Variants in NCOR1 observed in about 807,000 individuals in gnomAD.
The protein encoded by NCOR1 is nuclear receptor corepressor 1, also known as protein phosphatase 1, regulatory subunit 109.
NCOR1 carries 63 observed loss-of-function variants against 288.1 expected under a neutral mutation model. The observed-to-expected ratio is 0.22, with a 90% CI of 0.18 to 0.27. The LOEUF is 0.27. Among genes scored for constraint, NCOR1 ranks in the 10% least tolerant of loss-of-function variants. NCOR1 has a pLI of 1.00. For missense variants in NCOR1, 2,397 were observed against 3,019.2 expected (o/e 0.79, Z 4.83); for synonymous variants, 1,007 against 1,065.9 (o/e 0.94, Z 1.08).
chr17:16,032,529 T>C, intron 45 of NCOR1, 46 bp from the exon 46 acceptor site: 2 of 1,507,898 alleles, frequency 1.3e-6, no homozygotes, highest in South Asian at 2.7e-5. Flanking sequence ...ACATAACTGG[T>C]ATTTCATCCA....
intron 3 of NCOR1, 140 bp downstream of exon 3, chr17:16,186,414 C>A (rs549862187): frequency 3.5e-6 from 3 of 863,946 alleles, no homozygotes; most frequent in Admixed American, 3.3e-5. Context: ...TGCAACCAAC[C>A]AACAAAAAAG....
intron 9 of NCOR1, among the ~76,000 whole-genome samples, chr17:16,148,044 C>T (rs780426304): frequency 9.2e-5 from 14 of 152,150 alleles, no homozygotes; most frequent in Non-Finnish European, 1.8e-4. Flanking sequence ...CTCAAACTCC[C>T]GACCTCAAGT....
At chr17:16,173,607 T>A (rs2083515147) in intron 3 of NCOR1, among the ~76,000 whole-genome samples, 1 of 151,930 alleles carries the variant, frequency 6.6e-6, no homozygotes, top group African/African-American at 2.4e-5. Flanking sequence ...TACACTAGCA[T>A]TAAACAATCC....
At chr17:16,151,045 A>T (rs982530588) in intron 8 of NCOR1, among the ~76,000 whole-genome samples, 10 of 150,946 alleles carry the variant, frequency 6.6e-5, no homozygotes, top group Admixed American at 4.6e-4. Context: ...GAAAAAAATA[A>T]ATATATATAT....
rs186746727 is a variant in NCOR1, at chr17:16,079,370, C to T, written c.3501+594G>A. On this transcript the variant is annotated intron_variant, in intron 26 of 45. Coordinates refer to ENST00000268712, the MANE Select transcript of NCOR1 (RefSeq NM_006311.4). Reference sequence around the variant, plus strand: ...ACAGGTTTCTGTTTACAATGATTTCCCAAAACAGAATTTTCCCTCTTATGC... The same window carrying T: ...ACAGGTTTCTGTTTACAATGATTTCTCAAAACAGAATTTTCCCTCTTATGC... Among the ~76,000 whole-genome samples the T allele has an allele frequency of 2.0e-5, 3 of 152,164 alleles. No individual in the cohort carries two copies. The East Asian group carries it at 5.8e-4, about 29-fold the overall frequency.
Position 16,032,432 on chromosome 17 carries a change from G to C in NCOR1, c.7187C>G (p.Thr2396Ser). ...AGCACATGCAATCGGTGTTGGTGGA[G>C]TACTGCTGAGCATCCGCATAGTCAG... ...NPLTMRMLSS[T>S]PPTPIACAPS... Residue 2396 changes from threonine to serine, a missense_variant, in exon 46 of 46, where the codon ACT (threonine) becomes AGT (serine). Thr to Ser is a moderately conservative substitution (Grantham distance 58). This residue lies in a region of NCOR1 where 1,872 missense variants were observed against 2,187.8 expected (regional missense o/e 0.86). Transcript: ENST00000268712. 1.2e-6 allele frequency: 2 copies of C among 1,613,514 alleles called. No homozygotes were observed. The highest frequency in any genetic ancestry group is 2.2e-5 in the South Asian group (2 of 90,920).
At chr17:16,184,398 CAGA>C (rs1189813766) in intron 3 of NCOR1, among the ~76,000 whole-genome samples, 1 of 152,122 alleles carries the variant, frequency 6.6e-6, no homozygotes, top group East Asian at 1.9e-4. Flanking sequence ...TTAAAATGGG[CAGA>C]AGATCTGAAT....
At chr17:16,176,028 C>A (rs764238753) in intron 3 of NCOR1, among the ~76,000 whole-genome samples, 2 of 151,680 alleles carry the variant, frequency 1.3e-5, no homozygotes, top group Non-Finnish European at 2.9e-5. Flanking sequence ...ACCAGCCTGG[C>A]CAACATGGAG....
chr17:16,071,471 T>C lies in NCOR1; in HGVS notation c.4090A>G (p.Ser1364Gly). 2 of 1,614,216 alleles carry C rather than the reference T, an allele frequency of 1.2e-6. No homozygotes were observed. The highest frequency in any genetic ancestry group is 1.1e-5 in the South Asian group (1 of 91,088). Residue 1364 changes from serine to glycine, a missense_variant, in exon 30 of 46, where the codon AGT becomes GGT. Around this residue, in one of 11 missense-constraint regions of NCOR1, gnomAD observed 1,872 missense variants for 2,187.8 expected, o/e 0.86. Coordinates refer to ENST00000268712, the MANE Select transcript of NCOR1 (RefSeq NM_006311.4). Reference sequence around the variant, plus strand: ...TGGACCACTTCTGGAGTTTTCCGACTTTCCTGAGTTAAAATATCTTGCCTT... The same window carrying C: ...TGGACCACTTCTGGAGTTTTCCGACCTTCCTGAGTTAAAATATCTTGCCTT... Reference protein sequence around the residue: ...IPRQDILTQESRKTPEVVQST... With the variant: ...IPRQDILTQEGRKTPEVVQST...
chr17:16,204,672 T>G (rs939394493), intron 1 of NCOR1, among the ~76,000 whole-genome samples: 2 of 152,202 alleles, frequency 1.3e-5, no homozygotes, highest in African/African-American at 4.8e-5. Context: ...AAGTCTTAAG[T>G]AGAGCACAAA....
intron 22 of NCOR1, among the ~76,000 whole-genome samples, chr17:16,091,040 T>G (rs1377775180): frequency 6.6e-6 from 1 of 152,330 alleles, no homozygotes; most frequent in South Asian, 2.1e-4. Context: ...GTCAGAAGAA[T>G]GTATTAAAAC....
intron 4 of NCOR1, 87 bp downstream of exon 4, chr17:16,171,714 CTG>C (rs1199911501): frequency 9.1e-6 from 11 of 1,212,760 alleles, no homozygotes; most frequent in Non-Finnish European, 1.1e-5. Flanking sequence ...ACTGGTGTAA[CTG>C]GACTTTCTTT....
rs534956523 is a variant in NCOR1 at position 16,127,254 on chromosome 17, T to TAC, written c.1510-1049_1510-1048insGT. The stretch of plus-strand genomic sequence containing the variant: ...ATGTATGCATATATGTATGTATATA[T>TAC]GTGTGTGTATATATGTATGTATATA... On this transcript the variant is annotated intron_variant, in intron 14 of 45. Transcript: ENST00000268712. Among the ~76,000 whole-genome samples, 226 of 117,072 alleles carry TAC rather than the reference T, an allele frequency of 1.9e-3. 48 individuals carry two copies. The highest frequency in any genetic ancestry group is 0.011 in the South Asian group (43 of 4,060). 76.8% of individuals were successfully genotyped at this position (117,072 alleles called of 152,430 possible).
intron 38 of NCOR1, chr17:16,058,266 G>A: frequency 1.1e-6 from 1 of 876,130 alleles, no homozygotes; most frequent in South Asian, 2.2e-5. Flanking sequence ...AAATGCAGAA[G>A]TAAGCAAACA....
chr17:16,100,115 T>G (rs1198915550), intron 20 of NCOR1, among the ~76,000 whole-genome samples: 1 of 152,168 alleles, frequency 6.6e-6, no homozygotes, highest in Non-Finnish European at 1.5e-5. Flanking sequence ...TGGGTTCGGA[T>G]TAAGTGATGT....
chr17:16,168,064 A>G (rs2082366526), intron 4 of NCOR1, among the ~76,000 whole-genome samples: 1 of 152,172 alleles, frequency 6.6e-6, no homozygotes, highest in Non-Finnish European at 1.5e-5. Context: ...AATAACCAAT[A>G]AACAAATAAA....
intron 15 of NCOR1, among the ~76,000 whole-genome samples, chr17:16,123,961 G>A (rs922043145): frequency 2.0e-5 from 3 of 152,172 alleles, no homozygotes; most frequent in Non-Finnish European, 4.4e-5. Context: ...ATAAAAGCTT[G>A]TTAAATAGTT....
Position 16,062,135 on chromosome 17 carries a change from G to A in NCOR1, c.5357C>T (p.Pro1786Leu), listed in dbSNP as rs978362863. Residue 1786 changes from proline (P) to leucine (L), a missense_variant, in exon 36 of 46, where the codon CCT becomes CTT. This residue lies in a region of NCOR1 where 1,872 missense variants were observed against 2,187.8 expected (regional missense o/e 0.86). Coordinates refer to ENST00000268712, the MANE Select transcript of NCOR1 (RefSeq NM_006311.4). ...QGTNGTSVIT[P>L]LDPTAQLRIM... Reference sequence around the variant, plus strand: ...TCGTAGCTGAGCAGTTGGATCCAAAGGTGTGATTACACTGGTTCCATTGGT... The same window carrying A: ...TCGTAGCTGAGCAGTTGGATCCAAAAGTGTGATTACACTGGTTCCATTGGT... 6.2e-7 allele frequency: 1 copy of A among 1,613,470 alleles called. No homozygotes were observed. Among genetic ancestry groups the A allele is most frequent in the Non-Finnish European group, 8.5e-7 (1 of 1,179,912 alleles).
intron 2 of NCOR1, chr17:16,192,153 TAAA>T (rs773922677): frequency 2.3e-5 from 3 of 133,288 alleles, no homozygotes; most frequent in Admixed American, 7.6e-5. Flanking sequence ...CATCTTCGTT[TAAA>T]AAAAAAAAAA....
Sources: gnomAD v4.1 joint callset for allele counts (sites outside exome capture counted in the v4.1 genomes callset) on GRCh38, gnomAD v4.1.1 for gene constraint, gnomAD v4.1.1 regional missense constraint, MANE v1.5 for transcripts, NCBI Gene and HGNC (gene_info 2026-07-23, HGNC 2026-07-21) for gene names.